Variants in TRPM3 observed in about 807,000 individuals in gnomAD.
The protein encoded by TRPM3 is transient receptor potential cation channel subfamily M member 3, also known as long transient receptor potential channel 3.
Under a neutral mutation model 181.2 loss-of-function variants are expected in TRPM3, and 77 were observed. That is an observed-to-expected ratio of 0.42 (90% confidence interval 0.35 to 0.51). TRPM3 has a LOEUF of 0.51. TRPM3 is among the 20% of genes least tolerant of loss of function. The probability of loss-of-function intolerance (pLI) is 0.01; values close to 1 mark genes in which losing one functional copy is unlikely to be tolerated. For missense variants in TRPM3, 1,759 were observed against 2,196.7 expected (o/e 0.80, Z 3.98); for synonymous variants, 745 against 796.4 (o/e 0.94, Z 1.09).
chr9:70,793,332 T>C (rs1458985540), intron 6 of TRPM3, among the ~76,000 whole-genome samples: 1 of 151,794 alleles, frequency 6.6e-6, no homozygotes, highest in Non-Finnish European at 1.5e-5. Flanking sequence ...TGCATGTGCC[T>C]GTAGTCCCAG....
intron 7 of TRPM3, among the ~76,000 whole-genome samples, chr9:70,771,260 G>T (rs1238608134): frequency 6.6e-6 from 1 of 152,174 alleles, no homozygotes; most frequent in African/African-American, 2.4e-5. Flanking sequence ...TAGGATAAAA[G>T]AATGATACGG....
rs560201616 is a variant in TRPM3 at position 71,442,047 on chromosome 9, G to A, written c.183+4606C>T. Among the ~76,000 whole-genome samples the A allele has an allele frequency of 9.8e-5, 15 of 152,330 alleles. No homozygotes were observed. The East Asian group carries it at 2.9e-3, about 29-fold the overall frequency. Reference sequence around the variant, plus strand: ...AGAAACGAATGGTAGGTTTGTTTGTGGATCCCTCCTGCACGCACAGCATCT... The same window carrying A: ...AGAAACGAATGGTAGGTTTGTTTGTAGATCCCTCCTGCACGCACAGCATCT... On this transcript the variant is annotated intron_variant, in intron 1 of 24. Coordinates refer to the TRPM3 transcript ENST00000357533.
At chr9:71,396,096 G>C (rs11142814) in intron 1 of TRPM3, among the ~76,000 whole-genome samples, 66,876 of 151,866 alleles carry the variant, frequency 0.44, 14,886 homozygotes, top group South Asian at 0.52. Context: ...CAACTATTAG[G>C]ATTAAAAAAC....
At chr9:71,168,259 T>C (rs889500982) in intron 1 of TRPM3, among the ~76,000 whole-genome samples, 4 of 152,192 alleles carry the variant, frequency 2.6e-5, no homozygotes, top group Non-Finnish European at 2.9e-5. Context: ...ATGCATCTTA[T>C]CTGCTATCTT....
At chr9:70,882,450 G>C (rs759218751) in intron 1 of TRPM3, among the ~76,000 whole-genome samples, 3 of 152,018 alleles carry the variant, frequency 2.0e-5, no homozygotes, top group Non-Finnish European at 4.4e-5. Flanking sequence ...CTGGTTGTTA[G>C]AATACCCACA....
chr9:70,814,260 G>C (rs1034260756), intron 6 of TRPM3, among the ~76,000 whole-genome samples: 42 of 152,116 alleles, frequency 2.8e-4, no homozygotes, highest in Non-Finnish European at 2.9e-5. Context: ...TATTGACCGT[G>C]AAACCAGCGG....
intron 6 of TRPM3, among the ~76,000 whole-genome samples, chr9:70,806,131 T>G (rs2090618246): frequency 6.6e-6 from 1 of 152,186 alleles, no homozygotes; most frequent in Admixed American, 6.5e-5. Context: ...GAGTTCTTCA[T>G]TCTTCTGCCT....
intron 1 of TRPM3, among the ~76,000 whole-genome samples, chr9:71,139,868 T>C (rs1385247677): frequency 2.6e-5 from 4 of 152,164 alleles, no homozygotes. Context: ...ATCCTTTATA[T>C]ACAGTCTGGT....
At chr9:70,983,513 G>A (rs1210734861) in intron 1 of TRPM3, among the ~76,000 whole-genome samples, 1 of 152,168 alleles carries the variant, frequency 6.6e-6, no homozygotes, top group Admixed American at 6.5e-5. Context: ...AACAGAGCAT[G>A]CAAAGAAGAA....
intron 1 of TRPM3, among the ~76,000 whole-genome samples, chr9:70,901,116 AAAAG>A (rs1357492240): frequency 6.6e-6 from 1 of 152,220 alleles, no homozygotes; most frequent in African/African-American, 2.4e-5. Flanking sequence ...GTGACATGAA[AAAAG>A]AAAGAAACAA....
chr9:71,234,321 TGGGA>T (rs966401598), intron 1 of TRPM3, among the ~76,000 whole-genome samples: 1 of 152,160 alleles, frequency 6.6e-6, no homozygotes, highest in Admixed American at 6.5e-5. Flanking sequence ...CAATTCAGTA[TGGGA>T]GGGAATCACA....
chr9:71,137,285 C>G (rs1017702683), intron 1 of TRPM3, among the ~76,000 whole-genome samples: 2 of 152,158 alleles, frequency 1.3e-5, no homozygotes, highest in Admixed American at 1.3e-4. Context: ...ATGACCTCAA[C>G]CTAAGGCAAA....
chr9:70,902,122 T>C (rs1365304742), intron 1 of TRPM3, among the ~76,000 whole-genome samples: 1 of 152,238 alleles, frequency 6.6e-6, no homozygotes, highest in Non-Finnish European at 1.5e-5. Flanking sequence ...ACTGTCATTT[T>C]CCTTTACCAA....
rs568569133 is a variant in TRPM3 at position 70,615,410 on chromosome 9, T to C, written c.2526+498A>G. ...ACAAAGCCTCTATGCTCTATAATTATATGAGGAAGAGCTAATAAAAGCTTT... is the reference window on the plus strand; with the variant it reads ...ACAAAGCCTCTATGCTCTATAATTACATGAGGAAGAGCTAATAAAAGCTTT... On this transcript the variant is annotated intron_variant, in intron 18 of 25. Transcript: ENST00000677713. 1.3e-4 allele frequency among the ~76,000 whole-genome samples: 20 copies of C among 152,324 alleles called. No individual in the cohort carries two copies. In the South Asian group the frequency reaches 3.9e-3, roughly 30 times the overall value.
At chr9:70,618,271 T>C (rs779263492) in intron 17 of TRPM3, among the ~76,000 whole-genome samples, 3 of 152,222 alleles carry the variant, frequency 2.0e-5, no homozygotes, top group Admixed American at 6.5e-5. Context: ...CTGATTTTTA[T>C]AGGATAATTT....
chr9:71,110,508 G>A (rs777315632), intron 1 of TRPM3, among the ~76,000 whole-genome samples: 18 of 152,176 alleles, frequency 1.2e-4, no homozygotes, highest in Non-Finnish European at 2.5e-4. Flanking sequence ...TATGGCAGTA[G>A]AGGCTGCATG....
At chr9:70,850,529 T>G (rs565038745) in intron 3 of TRPM3, among the ~76,000 whole-genome samples, 96 of 152,298 alleles carry the variant, frequency 6.3e-4, no homozygotes, top group Non-Finnish European at 1.1e-3. Context: ...TATATTCTTA[T>G]CTCCAAACTC....
chr9:70,548,181 A>G (rs1483915900), intron 25 of TRPM3, among the ~76,000 whole-genome samples: 1 of 152,224 alleles, frequency 6.6e-6, no homozygotes, highest in Non-Finnish European at 1.5e-5. Flanking sequence ...ATGTCCATTA[A>G]TAAATAGCTT....
chr9:71,138,653 T>TA (rs1403625004), intron 1 of TRPM3, among the ~76,000 whole-genome samples: 1 of 152,196 alleles, frequency 6.6e-6, no homozygotes, highest in Non-Finnish European at 1.5e-5. Flanking sequence ...ATGGTTGTTT[T>TA]AAAAAATAGA....
Sources: allele counts gnomAD v4.1 joint callset (sites outside exome capture counted in the v4.1 genomes callset), GRCh38; gene constraint gnomAD v4.1.1; transcripts MANE v1.5; gene names NCBI Gene and HGNC (gene_info 2026-07-23, HGNC 2026-07-21).